Variants in ZFP90 observed in about 807,000 individuals in gnomAD.
ZFP90 encodes the protein zinc finger protein 90 homolog.
Under a neutral mutation model 60.8 loss-of-function variants are expected in ZFP90, and 38 were observed. The ratio of observed to expected loss-of-function variants is 0.62; its 90% CI spans 0.48 to 0.82. The LOEUF is 0.82. Among genes scored for constraint, ZFP90 ranks in the 40% least tolerant of loss-of-function variants. The pLI is 0.00. For missense variants in ZFP90, 711 were observed against 759.1 expected (o/e 0.94, Z 0.74); for synonymous variants, 287 against 264.8 (o/e 1.08, Z -0.82).
intron 2 of ZFP90, among the ~76,000 whole-genome samples, chr16:68,553,312 TGAAGC>T (rs1361072932): frequency 6.6e-6 from 1 of 152,130 alleles, no homozygotes; most frequent in Non-Finnish European, 1.5e-5. Context: ...AACAAAGAGC[TGAAGC>T]CAGTGAGTGG....
intron 2 of ZFP90, chr16:68,573,915 C>T (rs538408895): frequency 6.6e-6 from 1 of 152,426 alleles, no homozygotes; most frequent in South Asian, 2.1e-4. Context: ...TTTTGGTCTG[C>T]TCGGCCATGT....
At chr16:68,534,165 C>T (rs2090944889) in intron 2 of ZFP90, among the ~76,000 whole-genome samples, 1 of 150,688 alleles carries the variant, frequency 6.6e-6, no homozygotes, top group Non-Finnish European at 1.5e-5. Context: ...CTAATTTTAT[C>T]TTCGGGTGTG....
chr16:68,547,079 C>T (rs958265951), intron 2 of ZFP90, among the ~76,000 whole-genome samples: 7 of 152,112 alleles, frequency 4.6e-5, no homozygotes, highest in Non-Finnish European at 1.0e-4. Context: ...AACTATTGAA[C>T]GTGGGGGTAC....
In ZFP90 at chr16:68,566,440, A is replaced by G. The variant is rs2091528691; in HGVS notation, c.*1742A>G. On this transcript the variant is annotated 3_prime_UTR_variant, in exon 5 of 5. Coordinates refer to ENST00000563169, the MANE Select transcript of ZFP90 (RefSeq NM_001305203.2). Reference sequence around the variant, plus strand: ...GATTCTTTGCATGCCACATAGCAGGATTCATTGCCTTTCTCTCATCATGGA... The same window carrying G: ...GATTCTTTGCATGCCACATAGCAGGGTTCATTGCCTTTCTCTCATCATGGA... The G allele has an allele frequency of 2.0e-6, 2 of 985,518 alleles. No individual in the cohort carries two copies. The highest frequency in any genetic ancestry group is 3.5e-5 in the African/African-American group (2 of 57,352). The allele number at this position is 985,518 out of a possible 1,614,324, so 61.0% of individuals were successfully genotyped here. A position where few individuals can be genotyped will look rare whatever the true frequency, so the allele number is the denominator to read the frequency against.
intron 2 of ZFP90, among the ~76,000 whole-genome samples, chr16:68,546,561 G>C (rs946753846): frequency 3.9e-5 from 6 of 152,158 alleles, no homozygotes; most frequent in Non-Finnish European, 8.8e-5. Context: ...CTGTCACCCA[G>C]GCTGGAGTGA....
Position 68,562,285 on chromosome 16 carries a change from A to T in ZFP90, c.257-759A>T, listed in dbSNP as rs530136037. On this transcript the variant is annotated intron_variant, in intron 4 of 4. Coordinates refer to ENST00000563169, the MANE Select transcript of ZFP90 (RefSeq NM_001305203.2). ...ATAGAACATTTCCATCACTCCAAAA[A>T]GCTCTCTGCCCTTAGTTTTTAAAGG... 4 of 152,422 alleles carry T rather than the reference A, an allele frequency of 2.6e-5. No homozygotes were observed. The East Asian group carries it at 7.7e-4, about 29-fold the overall frequency. 9.4% of individuals were successfully genotyped at this position (152,422 alleles called of 1,614,324 possible).
intron 2 of ZFP90, among the ~76,000 whole-genome samples, chr16:68,540,664 G>GATCAATTCAA (rs1244277443): frequency 6.6e-6 from 1 of 151,962 alleles, no homozygotes; most frequent in Non-Finnish European, 1.5e-5. Context: ...GAGACATCAA[G>GATCAATTCAA]ATCAATTCAA....
intron 2 of ZFP90, among the ~76,000 whole-genome samples, chr16:68,544,948 C>T (rs2091121052): frequency 7.3e-6 from 1 of 137,898 alleles, no homozygotes; most frequent in Non-Finnish European, 1.5e-5. Context: ...GGCGTGATTT[C>T]GGCTCACTAC....
At chr16:68,558,290 T>G in intron 3 of ZFP90, 166 bp downstream of exon 3, 1 of 1,217,640 alleles carries the variant, frequency 8.2e-7, no homozygotes, top group South Asian at 1.3e-5. Flanking sequence ...GCCTGCTCTT[T>G]AGGTAAAAGG....
intron 2 of ZFP90, among the ~76,000 whole-genome samples, chr16:68,575,269 T>A (rs1256308603): frequency 6.6e-6 from 1 of 152,190 alleles, no homozygotes; most frequent in Non-Finnish European, 1.5e-5. Context: ...GGGACAGGCG[T>A]GCCTCAGCCT....
At chr16:68,543,598 G>A (rs1597717122) in intron 2 of ZFP90, among the ~76,000 whole-genome samples, 1 of 145,824 alleles carries the variant, frequency 6.9e-6, no homozygotes, top group African/African-American at 2.6e-5. Flanking sequence ...GTCTTGCTCT[G>A]TCGCCAGGCT....
At chr16:68,540,801 G>A (rs1273690815) in intron 2 of ZFP90, among the ~76,000 whole-genome samples, 3 of 77,538 alleles carry the variant, frequency 3.9e-5, no homozygotes, top group African/African-American at 5.8e-5. Context: ...GTGAGACTCC[G>A]TCTCTGCAAA....
chr16:68,564,994 TCTTGA>T lies in ZFP90; in HGVS notation c.*301_*305del. On this transcript the variant is annotated 3_prime_UTR_variant, in exon 5 of 5. Transcript: ENST00000563169. ...TGCAGGATATCATCAAGTTTCAACA[TCTTGA>T]CTTGTGACCCCCAATGTCAACAGCT... 1 of 1,084,018 alleles carries T rather than the reference TCTTGA, an allele frequency of 9.2e-7. No homozygotes were observed. Among genetic ancestry groups the T allele is most frequent in the Non-Finnish European group, 1.1e-6 (1 of 894,226 alleles). The allele number at this position is 1,084,018 out of a possible 1,614,324, so 67.1% of individuals were successfully genotyped here. A position where few individuals can be genotyped will look rare whatever the true frequency, so the allele number is the denominator to read the frequency against.
intron 2 of ZFP90, among the ~76,000 whole-genome samples, chr16:68,551,626 G>A (rs2091262859): frequency 6.6e-6 from 1 of 151,898 alleles, no homozygotes; most frequent in African/African-American, 2.4e-5. Context: ...TGCCAGGTTG[G>A]TCTCAAACTC....
intron 4 of ZFP90, among the ~76,000 whole-genome samples, chr16:68,559,371 A>T (rs2091399011): frequency 1.3e-5 from 2 of 152,090 alleles, no homozygotes; most frequent in Admixed American, 6.6e-5. Flanking sequence ...ATGTTTTGCT[A>T]CCTTGCCTAT....
chr16:68,571,696 AG>A (rs1269699317), downstream of ZFP90, among the ~76,000 whole-genome samples: 1 of 152,230 alleles, frequency 6.6e-6, no homozygotes, highest in Non-Finnish European at 1.5e-5. Context: ...TGGGAGGCCA[AG>A]GTGGGAGGAT....
intron 2 of ZFP90, among the ~76,000 whole-genome samples, chr16:68,542,178 G>A (rs773163698): frequency 3.9e-5 from 6 of 152,170 alleles, no homozygotes; most frequent in Non-Finnish European, 7.3e-5. Context: ...TGCAGAAGTA[G>A]AGCGCAAGAG....
At chr16:68,546,290 CTT>C (rs1250928296) in intron 2 of ZFP90, among the ~76,000 whole-genome samples, 22 of 152,296 alleles carry the variant, frequency 1.4e-4, no homozygotes, top group African/African-American at 5.3e-4. Flanking sequence ...ATAAGACAAT[CTT>C]AAGTGTACAG....
In ZFP90 at chr16:68,565,394, T is replaced by C. The variant is rs2091509249; in HGVS notation, c.*696T>C. The C allele has an allele frequency of 1.0e-6, 1 of 985,614 alleles. No homozygotes were observed. The highest frequency in any genetic ancestry group is 1.2e-6 in the Non-Finnish European group (1 of 829,942). 61.1% of individuals were successfully genotyped at this position (985,614 alleles called of 1,614,324 possible). On this transcript the variant is annotated 3_prime_UTR_variant, in exon 5 of 5. Transcript: ENST00000563169. ...TACACAAACATTTAATGGGCACCTA[T>C]GGGTTGGACACTTTGAGAATTCTTA...
Sources: allele counts gnomAD v4.1 joint callset (sites outside exome capture counted in the v4.1 genomes callset), GRCh38; gene constraint gnomAD v4.1.1; transcripts MANE v1.5; gene names NCBI Gene and HGNC (gene_info 2026-07-23, HGNC 2026-07-21).